MBP: variants seen among roughly 807,000 people sequenced by gnomAD.
MBP encodes the protein myelin basic protein.
Under a neutral mutation model 35.8 loss-of-function variants are expected in MBP, and 16 were observed. That is an observed-to-expected ratio of 0.45 (90% CI 0.30 to 0.68). MBP has a LOEUF of 0.68. Ranked by LOEUF, MBP falls within the 30% of genes least tolerant of loss-of-function variation. MBP has a pLI of 0.08. For missense variants in MBP, 380 were observed against 404.7 expected (o/e 0.94, Z 0.52); for synonymous variants, 143 against 159.6 (o/e 0.90, Z 0.78).
chr18:77,100,585 C>T (rs1975968683), intron 2 of MBP, among the ~76,000 whole-genome samples: 1 of 149,222 alleles, frequency 6.7e-6, no homozygotes, highest in African/African-American at 2.5e-5. Context: ...GGGTCTTACT[C>T]TGTTGCCCAG....
intron 2 of MBP, among the ~76,000 whole-genome samples, chr18:77,091,722 C>T (rs1171402493): frequency 6.6e-6 from 1 of 151,540 alleles, no homozygotes; most frequent in African/African-American, 2.4e-5. Context: ...ACACCACATA[C>T]ACACATATAC....
At chr18:77,006,020 G>T (rs75203742) in intron 4 of MBP, 1,944 of 152,418 alleles carry the variant, frequency 0.013, 18 homozygotes, top group Admixed American at 0.023. Context: ...ACAGACACCT[G>T]CCCCAGGTCC....
chr18:77,116,717 C>T (rs140766865), intron 1 of MBP, among the ~76,000 whole-genome samples: 2,196 of 152,174 alleles, frequency 0.014, 94 homozygotes, highest in Admixed American at 0.079. Context: ...AACTTCACCG[C>T]GTATGGTGGT....
intron 4 of MBP, among the ~76,000 whole-genome samples, chr18:76,994,089 AG>A (rs59573914): frequency 0.012 from 1,772 of 152,270 alleles, 26 homozygotes; most frequent in African/African-American, 0.04. Context: ...CCTCCATGAG[AG>A]GGGGTGTGAA....
intron 3 of MBP, among the ~76,000 whole-genome samples, chr18:77,057,952 G>A (rs1272575): frequency 3.6e-5 from 2 of 56,254 alleles, no homozygotes; most frequent in Non-Finnish European, 6.0e-5. Context: ...TCAGCCTCCC[G>A]AGTAGCTGGG....
At chr18:76,996,870 G>T (rs1970298902) in intron 4 of MBP, among the ~76,000 whole-genome samples, 1 of 152,168 alleles carries the variant, frequency 6.6e-6, no homozygotes, top group African/African-American at 2.4e-5. Context: ...TTGTGAAATA[G>T]AATATAGAAT....
intron 3 of MBP, among the ~76,000 whole-genome samples, chr18:77,053,588 T>C (rs1973600464): frequency 2.6e-5 from 4 of 152,214 alleles, no homozygotes; most frequent in Admixed American, 1.3e-4. Flanking sequence ...ATGCACGAGC[T>C]GCGGGCACTT....
intron 7 of MBP, chr18:76,985,943 G>T (rs540356871): frequency 4.3e-4 from 421 of 985,922 alleles, no homozygotes; most frequent in Non-Finnish European, 4.9e-4. Flanking sequence ...GACCGCAGGG[G>T]CTTCCTGACA....
chr18:77,019,778 G>T (rs559175733), intron 3 of MBP, among the ~76,000 whole-genome samples: 1 of 152,336 alleles, frequency 6.6e-6, no homozygotes, highest in African/African-American at 2.4e-5. Context: ...ACTTGGGGAA[G>T]TTGGGGAGGG....
rs61742941 is a variant in MBP, at chr18:77,017,220, G to A, written c.188C>T (p.Ala63Val). The change falls in exon 4 of 9, where the codon GCG (alanine) becomes GTG (valine). Residue 63 changes from alanine (A) to valine (V), a missense_variant. Coordinates refer to ENST00000355994, the MANE Select transcript of MBP (RefSeq NM_001025101.2). ...CGCTGTGCGCTTGGAGTCAGTCACC[G>A]CTGTGTCCTGAGAGGAGGTCCCATT... ...QNNGTSSQDT[A>V]VTDSKRTADP... 2.6e-4 allele frequency: 397 copies of A among 1,523,714 alleles called. 4 individuals carry two copies. The African/African-American group carries it at 4.9e-3, about 19-fold the overall frequency. 94.4% of individuals were successfully genotyped at this position (1,523,714 alleles called of 1,614,324 possible). A position where few individuals can be genotyped will look rare whatever the true frequency, so the allele number is the denominator to read the frequency against.
chr18:77,018,732 C>A (rs1971822120), intron 3 of MBP, among the ~76,000 whole-genome samples: 1 of 146,842 alleles, frequency 6.8e-6, no homozygotes, highest in African/African-American at 2.6e-5. Flanking sequence ...ATCCATCCAC[C>A]CCTCCATCTA....
At position 77,044,050 on chromosome 18, in the gene MBP, C is replaced by T. The variant is rs1045865812; in HGVS notation, c.139+22248G>A. ...GCCTCTCTGCCTCCTCCCTGGAGGC[C>T]GTGCAAATCCTGTTCTCCTTCCAGC... On this transcript the variant is annotated intron_variant, in intron 3 of 8. Coordinates refer to ENST00000355994, the MANE Select transcript of MBP (RefSeq NM_001025101.2). The surrounding 1 kb of genome is among the most constrained non-coding windows in gnomAD (Gnocchi z 4.4). Among the ~76,000 whole-genome samples, 1 of 152,090 alleles carries T rather than the reference C, an allele frequency of 6.6e-6. No homozygotes were observed. The highest frequency in any genetic ancestry group is 1.5e-5 in the Non-Finnish European group (1 of 68,022).
chr18:77,069,315 A>G (rs1974334970), intron 2 of MBP, among the ~76,000 whole-genome samples: 1 of 152,206 alleles, frequency 6.6e-6, no homozygotes, highest in Non-Finnish European at 1.5e-5. Context: ...GAAAATAAAT[A>G]ATTTCCCGAT....
intron 2 of MBP, among the ~76,000 whole-genome samples, chr18:77,087,895 AC>A (rs2144992930): frequency 6.6e-6 from 1 of 151,466 alleles, no homozygotes; most frequent in East Asian, 2.0e-4. Flanking sequence ...CACCGCTGAC[AC>A]CCCGCGGGGC....
chr18:77,017,108 C>G lies in MBP; in HGVS notation c.300G>C (p.Pro100=). Residue 100 remains proline (P), a synonymous_variant, in exon 4 of 9, where the codon CCG becomes CCC. Coordinates refer to ENST00000355994, the MANE Select transcript of MBP (RefSeq NM_001025101.2). ...HLIRLFSRDA[P]GREDNTFKDR... is the part of the protein sequence containing the mutation. ...CTTTGAAGGTGTTGTCCTCCCTCCC[C>G]GGGGCATCTCGGGAAAAGAGGCGGA... 1.3e-6 allele frequency: 2 copies of G among 1,591,432 alleles called. No individual in the cohort carries two copies. Among genetic ancestry groups the G allele is most frequent in the Non-Finnish European group, 1.7e-6 (2 of 1,165,048 alleles).
At chr18:76,997,907 C>T (rs951791520) in intron 4 of MBP, among the ~76,000 whole-genome samples, 6 of 141,376 alleles carry the variant, frequency 4.2e-5, no homozygotes, top group Admixed American at 3.5e-4. Context: ...TGGTCTCGAT[C>T]TCCTGACCTC....
chr18:76,986,726 G>A (rs896163155), intron 7 of MBP: 6 of 985,362 alleles, frequency 6.1e-6, no homozygotes, highest in Admixed American at 6.1e-5. Context: ...GGCTCTACAT[G>A]GCAGAAAGCC....
intron 3 of MBP, among the ~76,000 whole-genome samples, chr18:77,064,616 T>C (rs1974115289): frequency 6.6e-6 from 1 of 152,162 alleles, no homozygotes; most frequent in African/African-American, 2.4e-5. Context: ...AAGGATGGAA[T>C]TGTAGAAAAG....
chr18:77,061,513 T>G (rs79724859), intron 3 of MBP, among the ~76,000 whole-genome samples: 7,527 of 152,166 alleles, frequency 0.049, 239 homozygotes, highest in Middle Eastern at 0.11. Flanking sequence ...AACAGAGGAG[T>G]TCATTGCTAA....
Sources: allele counts gnomAD v4.1 joint callset (sites outside exome capture counted in the v4.1 genomes callset), GRCh38; gene constraint gnomAD v4.1.1; non-coding constraint Gnocchi (gnomAD v3.1); transcripts MANE v1.5; gene names NCBI Gene and HGNC (gene_info 2026-07-23, HGNC 2026-07-21).